ADGRD1: variants seen among roughly 807,000 people sequenced by gnomAD.
The protein encoded by ADGRD1 is adhesion G protein-coupled receptor D1.
In ADGRD1, 77 loss-of-function variants were observed where a neutral mutation model predicts 113.4. The ratio of observed to expected loss-of-function variants is 0.68; its 90% CI spans 0.57 to 0.82. ADGRD1 has a LOEUF of 0.82. Ranked by LOEUF, ADGRD1 falls within the 40% of genes least tolerant of loss-of-function variation. The pLI, the probability that ADGRD1 is intolerant of heterozygous loss-of-function variation, is 0.00. For missense variants in ADGRD1, 1,036 were observed against 1,139.1 expected, an observed-to-expected ratio of 0.91 and a Z score of 1.30; for synonymous variants, 474 against 475.0, an observed-to-expected ratio of 1.00 and a Z score of 0.03.
intron 9 of ADGRD1, among the ~76,000 whole-genome samples, chr12:131,001,930 G>A (rs564488862): frequency 1.4e-4 from 21 of 152,286 alleles, no homozygotes; most frequent in East Asian, 3.9e-4. Context: ...ATAAGATTGC[G>A]TTAGAGTTTA....
rs1879394371 is a variant in ADGRD1 at position 131,022,112 on chromosome 12, A to G, written c.1473+7772A>G. Among the ~76,000 whole-genome samples the G allele has an allele frequency of 1.3e-5, 2 of 152,052 alleles. No individual in the cohort carries two copies. On this transcript the variant is annotated intron_variant, in intron 13 of 24. Transcript: ENST00000261654. The surrounding 1 kb of genome is among the most constrained non-coding windows in gnomAD (Gnocchi z 4.6). ...AGACCCTGACTCCAAACACTGTCAC[A>G]TTCTGAGGTCTTGGGGGTTAGGGCT...
intron 4 of ADGRD1, among the ~76,000 whole-genome samples, chr12:130,980,489 C>T (rs775422533): frequency 4.6e-5 from 7 of 152,004 alleles, no homozygotes; most frequent in Middle Eastern, 3.4e-3. Context: ...CCTCTGCCTC[C>T]GTGGTTCAAA....
chr12:131,015,226 G>A (rs565484720), intron 13 of ADGRD1, among the ~76,000 whole-genome samples: 3 of 152,248 alleles, frequency 2.0e-5, no homozygotes, highest in African/African-American at 4.8e-5. Context: ...ACCTGGGAGG[G>A]GCCCACACAC....
At position 130,954,229 on chromosome 12, in the gene ADGRD1, T is replaced by A; in HGVS notation, c.-237T>A. 2.2e-6 allele frequency: 1 copy of A among 450,116 alleles called. No homozygotes were observed. Among genetic ancestry groups the A allele is most frequent in the East Asian group, 3.5e-5 (1 of 28,600 alleles). The allele number at this position is 450,116 out of a possible 1,614,324, so 27.9% of individuals were successfully genotyped here. A position where few individuals can be genotyped will look rare whatever the true frequency, so the allele number is the denominator to read the frequency against. On this transcript the variant is annotated 5_prime_UTR_variant, in exon 1 of 25. Coordinates refer to ENST00000261654, the MANE Select transcript of ADGRD1 (RefSeq NM_198827.5). This position sits in a 1 kb window ranked among gnomAD's most constrained non-coding sequence, Gnocchi z 4.7. The stretch of plus-strand genomic sequence containing the variant: ...TCTCCTCCCTGCATTCCACAGCTGC[T>A]CTGGTCATCGCAACGTGTTTATTGA...
At chr12:131,091,757 G>A (rs577975652) in intron 15 of ADGRD1, among the ~76,000 whole-genome samples, 54 of 152,350 alleles carry the variant, frequency 3.5e-4, no homozygotes, top group African/African-American at 1.3e-3. Flanking sequence ...GGGAGAGAAA[G>A]GACTGTAAAC....
chr12:131,091,598 T>C (rs1176613232), intron 15 of ADGRD1, among the ~76,000 whole-genome samples: 1 of 152,242 alleles, frequency 6.6e-6, no homozygotes, highest in Non-Finnish European at 1.5e-5. Flanking sequence ...AAATCCCCTA[T>C]GCGTGGGTGT....
At chr12:130,973,536 T>A (rs1170381856) in intron 4 of ADGRD1, among the ~76,000 whole-genome samples, 1 of 152,188 alleles carries the variant, frequency 6.6e-6, no homozygotes, top group Non-Finnish European at 1.5e-5. Context: ...GGGTGACTTC[T>A]GACAGACGGG....
At chr12:131,064,250 T>C (rs1387007410) in intron 13 of ADGRD1, among the ~76,000 whole-genome samples, 1 of 152,242 alleles carries the variant, frequency 6.6e-6, no homozygotes, top group African/African-American at 2.4e-5. Flanking sequence ...ATTCCCTGTC[T>C]TAGGAAGAAA....
chr12:131,000,007 G>A (rs1424206997), intron 8 of ADGRD1, among the ~76,000 whole-genome samples: 3 of 152,038 alleles, frequency 2.0e-5, no homozygotes, highest in Admixed American at 1.3e-4. Flanking sequence ...TTGGTTTCTC[G>A]CCCCAAGAAA....
chr12:131,123,077 A>G (rs1365049779), intron 20 of ADGRD1, among the ~76,000 whole-genome samples: 2 of 32,516 alleles, frequency 6.2e-5, no homozygotes, highest in Non-Finnish European at 1.2e-4. Flanking sequence ...TTTTTTTGCG[A>G]CAGAGTCTTC....
intron 12 of ADGRD1, 121 bp from the exon 13 acceptor site, chr12:131,014,078 C>A: frequency 1.0e-6 from 1 of 966,444 alleles, no homozygotes; most frequent in South Asian, 1.7e-5. Flanking sequence ...ATCAAAGCTT[C>A]ATCCAAAGAA....
chr12:130,980,929 A>G (rs548363936), intron 4 of ADGRD1: 62 of 152,292 alleles, frequency 4.1e-4, no homozygotes, highest in Middle Eastern at 3.4e-3. Flanking sequence ...TCATGCTAAC[A>G]TGCGTCGCTC....
At chr12:131,004,386 C>T in intron 11 of ADGRD1, 90 bp downstream of exon 11, 1 of 768,146 alleles carries the variant, frequency 1.3e-6, no homozygotes. Flanking sequence ...CCCACCGCGC[C>T]AGGGAGCTGC....
chr12:130,960,220 C>T (rs893525998), intron 2 of ADGRD1, among the ~76,000 whole-genome samples: 6 of 152,214 alleles, frequency 3.9e-5, no homozygotes, highest in Non-Finnish European at 7.3e-5. Context: ...CATTACCCAG[C>T]AGTTTCCTGG....
In ADGRD1 at chr12:131,104,943, C is replaced by T. The variant is rs1950197493; in HGVS notation, c.1775+9C>T. The T allele has an allele frequency of 6.5e-7, 1 of 1,535,302 alleles. No individual in the cohort carries two copies. The highest frequency in any genetic ancestry group is 8.8e-7 in the Non-Finnish European group (1 of 1,134,348). ...ACCTTCGCCGTGCTGTCGTGAGTCC[C>T]CTTTTCTAATCCACCCAACAGTCTC... On this transcript the variant is annotated intron_variant, in intron 16 of 24. Transcript: ENST00000261654.
intron 13 of ADGRD1, among the ~76,000 whole-genome samples, chr12:131,068,276 G>A (rs1566080044): frequency 6.6e-6 from 1 of 152,176 alleles, no homozygotes; most frequent in South Asian, 2.1e-4. Context: ...GATGATGCAC[G>A]CTTGTGTCTC....
intron 20 of ADGRD1, among the ~76,000 whole-genome samples, chr12:131,124,363 A>G (rs1389220138): frequency 6.6e-6 from 1 of 152,262 alleles, no homozygotes; most frequent in Non-Finnish European, 1.5e-5. Flanking sequence ...ACACAAAATA[A>G]TGGTTCCCTA....
rs1385335382 is a variant in ADGRD1 at position 131,050,468 on chromosome 12, G to C, written c.1474-26333G>C. On this transcript the variant is annotated intron_variant, in intron 13 of 24. Transcript: ENST00000261654. This position sits in a 1 kb window ranked among gnomAD's most constrained non-coding sequence, Gnocchi z 4.8. ...TTATTTTAAAAAAAGAGGTTTAATT[G>C]CCTCACGGTTCTGCAGGGGGAACAG... Among the ~76,000 whole-genome samples, 2 of 152,112 alleles carry C rather than the reference G, an allele frequency of 1.3e-5. No homozygotes were observed. The highest frequency in any genetic ancestry group is 4.8e-5 in the African/African-American group (2 of 41,406).
At chr12:130,979,027 C>T (rs963727689) in intron 4 of ADGRD1, among the ~76,000 whole-genome samples, 1 of 152,038 alleles carries the variant, frequency 6.6e-6, no homozygotes, top group Admixed American at 6.6e-5. Flanking sequence ...TACCCCTCAG[C>T]GCCCAAGGCA....
Sources: allele counts gnomAD v4.1 joint callset (sites outside exome capture counted in the v4.1 genomes callset), GRCh38; gene constraint gnomAD v4.1.1; non-coding constraint Gnocchi (gnomAD v3.1); transcripts MANE v1.5; gene names NCBI Gene and HGNC (gene_info 2026-07-23, HGNC 2026-07-21).